Variants in AKT3 observed in about 807,000 individuals in gnomAD.
The protein encoded by AKT3 is AKT serine/threonine kinase 3.
A neutral mutation model predicts 65.3 loss-of-function variants in AKT3; 15 were observed. The ratio of observed to expected loss-of-function variants is 0.23; its 90% CI spans 0.15 to 0.35. The LOEUF (loss-of-function observed/expected upper bound fraction) is 0.35, where lower values mean the gene tolerates loss of function less well. Ranked by LOEUF, AKT3 falls within the 10% of genes least tolerant of loss-of-function variation. The probability of loss-of-function intolerance (pLI) is 1.00; values close to 1 mark genes in which losing one functional copy is unlikely to be tolerated. For synonymous variants in AKT3, 206 were observed against 183.8 expected (o/e 1.12, Z -0.98); for missense variants, 243 against 576.5 (o/e 0.42, Z 5.92).
At chr1:243,595,604 T>C (rs763995412) in intron 8 of AKT3, among the ~76,000 whole-genome samples, 6 of 152,218 alleles carry the variant, frequency 3.9e-5, no homozygotes, top group Non-Finnish European at 8.8e-5. Context: ...AATATTTTTC[T>C]ATTTTTTTTA....
chr1:243,706,552 T>C (rs890127075), intron 2 of AKT3, among the ~76,000 whole-genome samples: 2 of 152,184 alleles, frequency 1.3e-5, no homozygotes, highest in Non-Finnish European at 2.9e-5. Context: ...AAAAGTCTAG[T>C]AGTATGGACC....
chr1:243,844,566 A>G (rs1695429478), intron 1 of AKT3, among the ~76,000 whole-genome samples: 1 of 152,064 alleles, frequency 6.6e-6, no homozygotes, highest in Non-Finnish European at 1.5e-5. Context: ...GCAGCCTCCA[A>G]TGGGGGTCAA....
chr1:243,616,950 A>C (rs1432587007), intron 6 of AKT3, among the ~76,000 whole-genome samples: 1 of 152,212 alleles, frequency 6.6e-6, no homozygotes, highest in East Asian at 1.9e-4. Flanking sequence ...AGTTAATTAG[A>C]ATAGCAAACA....
intron 2 of AKT3, among the ~76,000 whole-genome samples, chr1:243,713,746 TAAA>T (rs572960154): frequency 8.7e-4 from 72 of 82,976 alleles, no homozygotes; most frequent in East Asian, 6.4e-3. Flanking sequence ...TTTGCCTTAA[TAAA>T]AAAAAAAAAA....
chr1:243,732,316 A>G (rs898008480), intron 2 of AKT3, among the ~76,000 whole-genome samples: 1 of 152,146 alleles, frequency 6.6e-6, no homozygotes, highest in Non-Finnish European at 1.5e-5. Context: ...CCTTCCAACC[A>G]CAGCATACCT....
intron 6 of AKT3, chr1:243,625,020 C>T (rs764954502): frequency 3.6e-5 from 13 of 360,112 alleles, no homozygotes; most frequent in African/African-American, 1.3e-4. Context: ...AAAGTTCTGT[C>T]GGTCAGCTTC....
chr1:243,650,367 T>C lies in AKT3; in HGVS notation c.285-4330A>G, dbSNP rs182544092. 2.3e-4 allele frequency among the ~76,000 whole-genome samples: 35 copies of C among 152,368 alleles called. No homozygotes were observed. In the East Asian group the frequency reaches 6.6e-3, roughly 29 times the overall value. Reference sequence around the variant, plus strand: ...CCCATTCTGTAGGCTGCCTGTTCTCTCTGATGATAGTTTCTTTTGCTGTGC... The same window carrying C: ...CCCATTCTGTAGGCTGCCTGTTCTCCCTGATGATAGTTTCTTTTGCTGTGC... On this transcript the variant is annotated intron_variant, in intron 4 of 13. Transcript: ENST00000673466.
intron 2 of AKT3, among the ~76,000 whole-genome samples, chr1:243,744,806 ACAC>A (rs1688382066): frequency 6.6e-6 from 1 of 151,658 alleles, no homozygotes; most frequent in Non-Finnish European, 1.5e-5. Context: ...ATCACATTTT[ACAC>A]CACCAACTAT....
At chr1:243,591,060 G>A (rs1676193175) in intron 8 of AKT3, among the ~76,000 whole-genome samples, 1 of 152,136 alleles carries the variant, frequency 6.6e-6, no homozygotes, top group Admixed American at 6.5e-5. Flanking sequence ...TCAGAGACTG[G>A]GGAGACCAAG....
At chr1:243,630,646 C>T (rs1679538242) in intron 6 of AKT3, among the ~76,000 whole-genome samples, 1 of 152,096 alleles carries the variant, frequency 6.6e-6, no homozygotes, top group Non-Finnish European at 1.5e-5. Flanking sequence ...TGTCTCTGGC[C>T]TCCAATTCAT....
chr1:243,528,927 A>G (rs1246656707), intron 12 of AKT3, among the ~76,000 whole-genome samples: 1 of 152,184 alleles, frequency 6.6e-6, no homozygotes, highest in Non-Finnish European at 1.5e-5. Context: ...CCAGCAGTGT[A>G]TAAGTGTTCC....
chr1:243,686,630 CATATAT>C (rs1553433261), intron 3 of AKT3, among the ~76,000 whole-genome samples: 746 of 18,872 alleles, frequency 0.04, 51 homozygotes, highest in Non-Finnish European at 0.061. Context: ...AAATTGTTTT[CATATAT>C]ATATATATAT....
At chr1:243,525,233 CA>C (rs1488200616) in intron 12 of AKT3, among the ~76,000 whole-genome samples, 2 of 152,234 alleles carry the variant, frequency 1.3e-5, no homozygotes, top group East Asian at 3.9e-4. Context: ...AAAGCGTTTG[CA>C]GTTTGAGTTC....
At chr1:243,613,832 C>T in intron 7 of AKT3, 93 bp from the exon 8 acceptor site, 1 of 704,028 alleles carries the variant, frequency 1.4e-6, no homozygotes, top group Admixed American at 3.6e-5. Flanking sequence ...AAATAGTAAG[C>T]ATGAAAGATG....
chr1:243,826,496 G>A (rs1049067336), intron 2 of AKT3, among the ~76,000 whole-genome samples: 1 of 152,210 alleles, frequency 6.6e-6, no homozygotes, highest in South Asian at 2.1e-4. Context: ...CTGATAGCGA[G>A]CTTCGGAGAA....
At chr1:243,663,568 G>A (rs1682547663) in intron 4 of AKT3, among the ~76,000 whole-genome samples, 1 of 152,036 alleles carries the variant, frequency 6.6e-6, no homozygotes, top group Admixed American at 6.6e-5. Context: ...AGTAAGATTG[G>A]AAGTGCACAA....
intron 4 of AKT3, among the ~76,000 whole-genome samples, chr1:243,661,495 T>C (rs1420044776): frequency 6.9e-6 from 1 of 144,358 alleles, no homozygotes; most frequent in Admixed American, 7.1e-5. Context: ...GAAAACTGGC[T>C]AGCCATATGT....
chr1:243,695,447 G>T, intron 3 of AKT3, 144 bp downstream of exon 3: 1 of 660,136 alleles, frequency 1.5e-6, no homozygotes, highest in South Asian at 2.5e-5. Flanking sequence ...CTAAGGGACT[G>T]AAATTCTATC....
At position 243,545,659 on chromosome 1, in the gene AKT3, A is replaced by C. The variant is rs1672612939; in HGVS notation, c.1164-62T>G. 4.1e-6 allele frequency: 5 copies of C among 1,212,248 alleles called. No individual in the cohort carries two copies. In the Admixed American group the frequency reaches 9.5e-5, roughly 23 times the overall value. 75.1% of individuals were successfully genotyped at this position (1,212,248 alleles called of 1,614,324 possible). A position where few individuals can be genotyped will look rare whatever the true frequency, so the allele number is the denominator to read the frequency against. On this transcript the variant is annotated intron_variant, in intron 11 of 13. Coordinates refer to ENST00000673466, the MANE Select transcript of AKT3 (RefSeq NM_005465.7). ...CATTTACATAAGCTCAAAGCATAAC[A>C]AAAAATATTTTGTGAAAGTGTAATT...
Sources: allele counts gnomAD v4.1 joint callset (sites outside exome capture counted in the v4.1 genomes callset), GRCh38; gene constraint gnomAD v4.1.1; transcripts MANE v1.5; gene names NCBI Gene and HGNC (gene_info 2026-07-23, HGNC 2026-07-21).